Variants in CLPB observed in about 807,000 individuals in gnomAD.
CLPB encodes the protein ClpB family mitochondrial disaggregase, also known as mitochondrial disaggregase.
In CLPB, 40 loss-of-function variants were observed where a neutral mutation model predicts 78.4. That is an observed-to-expected ratio of 0.51 (90% CI 0.40 to 0.66). CLPB has a LOEUF of 0.66. CLPB is among the 30% of genes least tolerant of loss of function. The pLI is 0.00. For missense variants in CLPB, 780 were observed against 886.9 expected (o/e 0.88, Z 1.53); for synonymous variants, 333 against 348.0 (o/e 0.96, Z 0.48).
At chr11:72,420,669 T>C (rs1431081897) in intron 2 of CLPB, among the ~76,000 whole-genome samples, 2 of 152,218 alleles carry the variant, frequency 1.3e-5, no homozygotes, top group East Asian at 1.9e-4. Context: ...CTCTCACTTA[T>C]ATAGTACAGG....
chr11:72,385,333 T>G, intron 3 of CLPB, among the ~76,000 whole-genome samples: 1 of 152,158 alleles, frequency 6.6e-6, no homozygotes, highest in East Asian at 1.9e-4. Flanking sequence ...TTTTTCCTTC[T>G]AATAAAAAAG....
intron 2 of CLPB, among the ~76,000 whole-genome samples, chr11:72,428,197 G>C (rs117068828): frequency 6.6e-6 from 1 of 152,118 alleles, no homozygotes; most frequent in African/African-American, 2.4e-5. Context: ...TTTGGGTGAG[G>C]GGGAGGGAAG....
At chr11:72,363,266 A>G (rs1278991919) in intron 4 of CLPB, 1 of 152,264 alleles carries the variant, frequency 6.6e-6, no homozygotes, top group Non-Finnish European at 1.5e-5. Context: ...CTGAGTTAAG[A>G]GTCATCTGTT....
intron 3 of CLPB, among the ~76,000 whole-genome samples, chr11:72,396,465 G>C (rs1364979107): frequency 1.3e-5 from 2 of 152,132 alleles, no homozygotes; most frequent in East Asian, 3.9e-4. Context: ...TTTGGTTCCT[G>C]AAGCACCACA....
intron 4 of CLPB, among the ~76,000 whole-genome samples, chr11:72,366,626 C>T (rs959521444): frequency 4.6e-5 from 7 of 152,108 alleles, no homozygotes; most frequent in Non-Finnish European, 7.4e-5. Context: ...AGAAGACATA[C>T]AAGCAACCAA....
At chr11:72,325,092 G>C (rs539308455) in intron 6 of CLPB, among the ~76,000 whole-genome samples, 1 of 152,104 alleles carries the variant, frequency 6.6e-6, no homozygotes. Context: ...AGGCTGGCAC[G>C]AGCACGTTCC....
chr11:72,411,536 TG>T (rs748208138), intron 2 of CLPB, among the ~76,000 whole-genome samples: 6 of 152,170 alleles, frequency 3.9e-5, no homozygotes, highest in Non-Finnish European at 8.8e-5. Flanking sequence ...TCTAAATATG[TG>T]TAGCATCAAA....
intron 4 of CLPB, 155 bp from the exon 5 acceptor site, chr11:72,359,163 TAAG>T: frequency 8.8e-7 from 1 of 1,131,664 alleles, no homozygotes; most frequent in Non-Finnish European, 1.3e-6. Context: ...CTGTGCTGGG[TAAG>T]AAGAGGCAAA....
chr11:72,408,560 G>A (rs548533420), intron 2 of CLPB, among the ~76,000 whole-genome samples: 10 of 151,740 alleles, frequency 6.6e-5, no homozygotes, highest in South Asian at 6.3e-4. Flanking sequence ...CCAGCTACTC[G>A]GGAGGCTGAG....
chr11:72,418,318 A>G lies in CLPB; in HGVS notation c.455+11994T>C, dbSNP rs2886351. Among the ~76,000 whole-genome samples, 1,096 of 152,318 alleles carry G rather than the reference A, an allele frequency of 7.2e-3. 24 individuals are homozygous for G. Among genetic ancestry groups the G allele is most frequent in the East Asian group, 0.063 (325 of 5,188 alleles). ...CTTGCTGTGACAGGGCTCACAGCCT[A>G]GGTCAGGAGAAATACATAAGAAGCA... On this transcript the variant is annotated intron_variant, in intron 2 of 15. Transcript: ENST00000538039.
At chr11:72,304,605 C>T (rs1243725182) in intron 9 of CLPB, among the ~76,000 whole-genome samples, 3 of 152,098 alleles carry the variant, frequency 2.0e-5, no homozygotes, top group African/African-American at 7.2e-5. Flanking sequence ...AGTATACAGG[C>T]TAATGAGAGA....
chr11:72,327,705 G>C (rs549490662), intron 6 of CLPB, among the ~76,000 whole-genome samples: 16 of 152,314 alleles, frequency 1.1e-4, no homozygotes, highest in African/African-American at 3.8e-4. Flanking sequence ...GCTTGAAAGG[G>C]GAGCTGATGA....
chr11:72,397,409 T>C (rs747589383), intron 3 of CLPB, among the ~76,000 whole-genome samples: 1 of 152,232 alleles, frequency 6.6e-6, no homozygotes, highest in Non-Finnish European at 1.5e-5. Flanking sequence ...TATTGCTCTG[T>C]GGTATGGTAA....
Position 72,329,847 on chromosome 11 carries a change from A to G in CLPB, c.776-43T>C, listed in dbSNP as rs540855385. On this transcript the variant is annotated intron_variant, in intron 5 of 15. Coordinates refer to ENST00000538039, the MANE Select transcript of CLPB (RefSeq NM_001258392.3). ...ATAAACAGAGGCTCTATGAACGATC[A>G]GTGGGACCTCAGCCTTCCCTTGGAG... is the stretch of plus-strand genomic sequence containing the variant. The G allele has an allele frequency of 7.9e-5, 117 of 1,488,874 alleles. 1 individual carries two copies. In the South Asian group the frequency reaches 1.3e-3, roughly 17 times the overall value. The allele number at this position is 1,488,874 out of a possible 1,614,324, so 92.2% of individuals were successfully genotyped here.
At chr11:72,418,820 A>C (rs1590925973) in intron 2 of CLPB, among the ~76,000 whole-genome samples, 1 of 146,644 alleles carries the variant, frequency 6.8e-6, no homozygotes, top group South Asian at 2.2e-4. Flanking sequence ...GTACCACTGC[A>C]CTCCACCCTG....
In CLPB at chr11:72,428,494, A is replaced by T. The variant is rs1307851591; in HGVS notation, c.455+1818T>A. 3.3e-5 allele frequency among the ~76,000 whole-genome samples: 5 copies of T among 152,296 alleles called. No individual in the cohort carries two copies. The East Asian group carries it at 9.7e-4, about 29-fold the overall frequency. ...TGACACCCTGTACAAATCCCACCTCAGGAGCATCAACATATTCCGCAGGCC... is the reference window on the plus strand; with the variant it reads ...TGACACCCTGTACAAATCCCACCTCTGGAGCATCAACATATTCCGCAGGCC... On this transcript the variant is annotated intron_variant, in intron 2 of 15. Coordinates refer to ENST00000538039, the MANE Select transcript of CLPB (RefSeq NM_001258392.3).
intron 5 of CLPB, among the ~76,000 whole-genome samples, chr11:72,347,229 A>G (rs1337284711): frequency 6.6e-6 from 1 of 152,146 alleles, no homozygotes; most frequent in Non-Finnish European, 1.5e-5. Context: ...GAGGAGCAGG[A>G]TATTTTTGTG....
At chr11:72,348,291 G>A (rs1402820702) in intron 5 of CLPB, among the ~76,000 whole-genome samples, 1 of 152,072 alleles carries the variant, frequency 6.6e-6, no homozygotes, top group Non-Finnish European at 1.5e-5. Context: ...AATCACAATG[G>A]TCACTAAACA....
At chr11:72,328,503 C>T (rs1950167994) in intron 6 of CLPB, among the ~76,000 whole-genome samples, 4 of 152,204 alleles carry the variant, frequency 2.6e-5, no homozygotes, top group Non-Finnish European at 2.9e-5. Flanking sequence ...CCCAAGGTCA[C>T]ATGGGCAGTG....
Sources: gnomAD v4.1 joint callset for allele counts (sites outside exome capture counted in the v4.1 genomes callset) on GRCh38, gnomAD v4.1.1 for gene constraint, MANE v1.5 for transcripts, NCBI Gene and HGNC (gene_info 2026-07-23, HGNC 2026-07-21) for gene names.